Variants in WDR19 observed in about 807,000 individuals in gnomAD.
WDR19 encodes WD repeat-containing protein 19.
Under a neutral mutation model 180.0 loss-of-function variants are expected in WDR19, and 121 were observed. The observed-to-expected ratio is 0.67, with a 90% CI of 0.58 to 0.78. The LOEUF is 0.78. Ranked by LOEUF, WDR19 falls within the 30% of genes least tolerant of loss-of-function variation. The pLI, the probability that WDR19 is intolerant of heterozygous loss-of-function variation, is 0.00. For synonymous variants in WDR19, 497 were observed against 540.7 expected, an observed-to-expected ratio of 0.92 and a Z score of 1.12; for missense variants, 1,450 against 1,640.7, an observed-to-expected ratio of 0.88 and a Z score of 2.01.
At chr4:39,247,712 A>G (rs964852254) in intron 24 of WDR19, among the ~76,000 whole-genome samples, 1 of 152,252 alleles carries the variant, frequency 6.6e-6, no homozygotes, top group Non-Finnish European at 1.5e-5. Context: ...CGAATCCACA[A>G]GCCTCAGTAA....
At position 39,231,968 on chromosome 4, in the gene WDR19, G is replaced by A. The variant is rs149621476; in HGVS notation, c.2142+12G>A. ...TGGAACAAATAAAGGTAAACAGCATGTTATAGAATTATCAAGTTAAAATTT... is the reference window on the plus strand; with the variant it reads ...TGGAACAAATAAAGGTAAACAGCATATTATAGAATTATCAAGTTAAAATTT... On this transcript the variant is annotated intron_variant, in intron 18 of 36. Coordinates refer to ENST00000399820, the MANE Select transcript of WDR19 (RefSeq NM_025132.4). The A allele has an allele frequency of 5.1e-4, 812 of 1,602,410 alleles. 5 individuals are homozygous for A. The African/African-American group carries it at 8.3e-3, about 16-fold the overall frequency.
chr4:39,198,685 G>A lies in WDR19; in HGVS notation c.407-793G>A, dbSNP rs1022189806. Among the ~76,000 whole-genome samples the A allele has an allele frequency of 3.9e-5, 6 of 152,138 alleles. No homozygotes were observed. In the East Asian group the frequency reaches 1.2e-3, roughly 30 times the overall value. On this transcript the variant is annotated intron_variant, in intron 5 of 36. Coordinates refer to ENST00000399820, the MANE Select transcript of WDR19 (RefSeq NM_025132.4). ...GTTGGAGACCAACTTGAGCAACAAA[G>A]TGAAACCACATCTCTACAAAAAATA... is the stretch of plus-strand genomic sequence containing the variant.
At chr4:39,270,164 T>C (rs1735211577) in intron 31 of WDR19, 64 bp downstream of exon 31, 2 of 1,591,730 alleles carry the variant, frequency 1.3e-6, no homozygotes, top group Non-Finnish European at 1.7e-6. Flanking sequence ...TGAGATTTTC[T>C]CCAGGCCCTT....
intron 5 of WDR19, among the ~76,000 whole-genome samples, chr4:39,197,939 A>G (rs1430640043): frequency 1.3e-5 from 2 of 152,140 alleles, no homozygotes; most frequent in African/African-American, 2.4e-5. Context: ...CCCAGGCTCA[A>G]GGGATCCTCC....
At chr4:39,281,774 G>GTCTC (rs1358966111) in intron 36 of WDR19, among the ~76,000 whole-genome samples, 2 of 152,096 alleles carry the variant, frequency 1.3e-5, no homozygotes, top group Non-Finnish European at 2.9e-5. Flanking sequence ...TCTTCTCAGG[G>GTCTC]TCTCTCAAGG....
chr4:39,230,385 GCTTGGGGTCTTTCTGATGTGTTGC>G (rs1044809040), intron 17 of WDR19, among the ~76,000 whole-genome samples: 1 of 152,158 alleles, frequency 6.6e-6, no homozygotes, highest in Non-Finnish European at 1.5e-5. Context: ...AGGCAGTCCT[GCTTGGGGTCTTTCTGATGTGTTGC>G]CTCAGAGCCA....
intron 20 of WDR19, 133 bp downstream of exon 20, chr4:39,235,008 T>C (rs1163292668): frequency 1.1e-5 from 6 of 569,348 alleles, no homozygotes; most frequent in Non-Finnish European, 1.8e-5. Flanking sequence ...GTATTAATTA[T>C]ATATCTGAAA....
chr4:39,283,665 T>G (rs1460221489), intron 36 of WDR19, among the ~76,000 whole-genome samples: 2 of 152,172 alleles, frequency 1.3e-5, no homozygotes, highest in African/African-American at 4.8e-5. Context: ...GATATAATTT[T>G]TCTTTAGTTG....
intron 36 of WDR19, among the ~76,000 whole-genome samples, chr4:39,280,754 G>C (rs1736414795): frequency 6.6e-6 from 1 of 152,180 alleles, no homozygotes; most frequent in East Asian, 1.9e-4. Context: ...AGGAGTTCAA[G>C]ACCAGCCTGG....
At position 39,255,957 on chromosome 4, in the gene WDR19, A is replaced by G. The variant is rs1733707889; in HGVS notation, c.3111A>G (p.Ser1037=). 2 of 1,528,260 alleles carry G rather than the reference A, an allele frequency of 1.3e-6. No individual in the cohort carries two copies. Among genetic ancestry groups the G allele is most frequent in the Non-Finnish European group, 1.8e-6 (2 of 1,135,524 alleles). 94.7% of individuals were successfully genotyped at this position (1,528,260 alleles called of 1,614,324 possible). A position where few individuals can be genotyped will look rare whatever the true frequency, so the allele number is the denominator to read the frequency against. The part of the protein sequence containing the change: ...GKFFLLCGQY[S]RALKHFLKCP... ...TCTTCTTGCTGTGTGGCCAATATTC[A>G]CGAGTTAGTATTTGCCAAGAAAATA... Residue 1037 remains serine (S), a synonymous_variant, in exon 27 of 37, where the codon TCA becomes TCG. Coordinates refer to ENST00000399820, the MANE Select transcript of WDR19 (RefSeq NM_025132.4).
chr4:39,220,528 CTT>C (rs34613717), intron 14 of WDR19, among the ~76,000 whole-genome samples: 41 of 91,990 alleles, frequency 4.5e-4, no homozygotes, highest in Admixed American at 7.4e-4. Context: ...TCTTCTTCTT[CTT>C]TTTTTTTTTT....
chr4:39,277,296 G>A (rs1435397573), intron 34 of WDR19, 153 bp downstream of exon 34: 1 of 871,698 alleles, frequency 1.1e-6, no homozygotes, highest in East Asian at 3.0e-5. Context: ...AGTCAATACA[G>A]TTAAAGGTGA....
chr4:39,219,561 TC>T, intron 14 of WDR19, among the ~76,000 whole-genome samples: 1 of 152,344 alleles, frequency 6.6e-6, no homozygotes, highest in Non-Finnish European at 1.5e-5. Context: ...AAACACCAGT[TC>T]TATTACTTGC....
chr4:39,232,962 G>C (rs1731031510), intron 19 of WDR19, among the ~76,000 whole-genome samples: 1 of 152,178 alleles, frequency 6.6e-6, no homozygotes, highest in South Asian at 2.1e-4. Context: ...TGTCCAAAGA[G>C]AACAGATTGT....
At chr4:39,259,645 A>G (rs77779922) in intron 28 of WDR19, among the ~76,000 whole-genome samples, 57 of 152,332 alleles carry the variant, frequency 3.7e-4, no homozygotes, top group African/African-American at 1.3e-3. Context: ...TTTATTCATC[A>G]GTTGGTGGGC....
rs752220093 is a variant in WDR19, at chr4:39,214,599, A to C, written c.891-2A>C. The C allele has an allele frequency of 1.3e-6, 2 of 1,526,880 alleles. No homozygotes were observed. Among genetic ancestry groups the C allele is most frequent in the South Asian group, 1.2e-5 (1 of 81,428 alleles). The allele number at this position is 1,526,880 out of a possible 1,614,324, so 94.6% of individuals were successfully genotyped here. A position where few individuals can be genotyped will look rare whatever the true frequency, so the allele number is the denominator to read the frequency against. On this transcript the variant is annotated splice_acceptor_variant, in intron 9 of 36. Coordinates refer to ENST00000399820, the MANE Select transcript of WDR19 (RefSeq NM_025132.4). LOFTEE classifies it high-confidence loss of function. ...TTTTAATAATGCATTTTTGTTTTTC[A>C]GCATTAAAATCCAAGACTTGGTTGA... is the stretch of plus-strand genomic sequence containing the variant.
chr4:39,245,521 T>G, intron 24 of WDR19, 69 bp downstream of exon 24: 1 of 1,494,506 alleles, frequency 6.7e-7, no homozygotes, highest in South Asian at 1.2e-5. Flanking sequence ...CCATTGATAT[T>G]TGCAACCCTG....
chr4:39,210,881 A>G (rs1009076590), intron 9 of WDR19, among the ~76,000 whole-genome samples: 1 of 152,114 alleles, frequency 6.6e-6, no homozygotes, highest in Non-Finnish European at 1.5e-5. Flanking sequence ...TCACACCTGT[A>G]ATCCCAGCAC....
chr4:39,183,146 A>G (rs1725128284), intron 1 of WDR19, among the ~76,000 whole-genome samples: 1 of 150,836 alleles, frequency 6.6e-6, no homozygotes, highest in Admixed American at 6.6e-5. Flanking sequence ...CATGTGCCTC[A>G]TCCTCTGCAC....
Sources: allele counts gnomAD v4.1 joint callset (sites outside exome capture counted in the v4.1 genomes callset), GRCh38; gene constraint gnomAD v4.1.1; transcripts MANE v1.5; gene names NCBI Gene and HGNC (gene_info 2026-07-23, HGNC 2026-07-21).